Variants in CNTLN observed in about 807,000 individuals in gnomAD.
CNTLN encodes centlein, centrosomal protein.
A neutral mutation model predicts 180.0 loss-of-function variants in CNTLN; 212 were observed. That is an observed-to-expected ratio of 1.18 (90% CI 1.05 to 1.32). The LOEUF is 1.32. Among genes scored for constraint, CNTLN ranks in the 40% most tolerant of loss-of-function variants. CNTLN has a pLI of 0.00. For missense variants in CNTLN, 2,095 were observed against 1,610.9 expected, an observed-to-expected ratio of 1.30 and a Z score of -5.14; for synonymous variants, 722 against 563.1, an observed-to-expected ratio of 1.28 and a Z score of -3.99.
the CNTLN span, among the ~76,000 whole-genome samples, chr9:17,519,748 C>T: frequency 6.6e-6 from 1 of 152,172 alleles, no homozygotes; most frequent in Non-Finnish European, 1.5e-5. Flanking sequence ...TTAGCACATC[C>T]ACTCCTTAAG....
At position 17,356,550 on chromosome 9, in the gene CNTLN, C is replaced by T. The variant is rs572995573; in HGVS notation, c.1887-10067C>T. 1.6e-4 allele frequency among the ~76,000 whole-genome samples: 25 copies of T among 152,122 alleles called. 1 individual carries two copies. In the South Asian group the frequency reaches 5.0e-3, roughly 31 times the overall value. On this transcript the variant is annotated intron_variant, in intron 12 of 25. Coordinates refer to ENST00000380647, the MANE Select transcript of CNTLN (RefSeq NM_017738.4). ...GTACTAGGGCTTGGGACCAGGTAAA[C>T]CGTTATAGCTAAGAAAATAATATAT... is the stretch of plus-strand genomic sequence containing the variant.
At chr9:17,213,116 C>T (rs1823457035) in intron 2 of CNTLN, among the ~76,000 whole-genome samples, 1 of 152,134 alleles carries the variant, frequency 6.6e-6, no homozygotes, top group Non-Finnish European at 1.5e-5. Context: ...TGTGTTTGCT[C>T]TTGCTTCTCT....
At chr9:17,314,217 C>G (rs942794616) in intron 8 of CNTLN, among the ~76,000 whole-genome samples, 1 of 151,840 alleles carries the variant, frequency 6.6e-6, no homozygotes, top group Non-Finnish European at 1.5e-5. Context: ...CTTTAAAATC[C>G]GTATTTTCCT....
At chr9:17,139,364 A>T (rs1262044912) in intron 1 of CNTLN, among the ~76,000 whole-genome samples, 1 of 151,524 alleles carries the variant, frequency 6.6e-6, no homozygotes, top group Non-Finnish European at 1.5e-5. Flanking sequence ...GGGATTACAG[A>T]TGTGAGCCAC....
chr9:17,410,524 T>A (rs1331544246), intron 16 of CNTLN, among the ~76,000 whole-genome samples: 1 of 152,194 alleles, frequency 6.6e-6, no homozygotes, highest in Non-Finnish European at 1.5e-5. Context: ...TTCTGAAGAA[T>A]ATAACATCTC....
chr9:17,455,202 C>T (rs1288495121), intron 18 of CNTLN, among the ~76,000 whole-genome samples: 1 of 152,180 alleles, frequency 6.6e-6, no homozygotes, highest in Non-Finnish European at 1.5e-5. Context: ...GGTTTCCAAA[C>T]TGATGGAATG....
chr9:17,454,167 C>T (rs759795320), intron 18 of CNTLN, among the ~76,000 whole-genome samples: 21 of 152,080 alleles, frequency 1.4e-4, no homozygotes, highest in Admixed American at 5.9e-4. Context: ...TTCTTACAGT[C>T]GCTTAGAGAG....
chr9:17,178,339 G>A (rs1354012831), intron 2 of CNTLN, among the ~76,000 whole-genome samples: 2 of 152,204 alleles, frequency 1.3e-5, no homozygotes, highest in Non-Finnish European at 2.9e-5. Flanking sequence ...CAGGAGCCCA[G>A]CTGGCTTCAC....
rs184247052 is a variant in CNTLN at position 17,208,700 on chromosome 9, G to T, written c.450-17503G>T. Among the ~76,000 whole-genome samples, 499 of 152,234 alleles carry T rather than the reference G, an allele frequency of 3.3e-3. 4 individuals are homozygous for T. The highest frequency in any genetic ancestry group is 0.011 in the African/African-American group (475 of 41,540). On this transcript the variant is annotated intron_variant, in intron 2 of 25. Transcript: ENST00000380647. ...CTTCATGATTCAATTTTGGTAGGTT[G>T]TATGTGTCAAGGAATTTATTTGTTC...
At chr9:17,382,640 G>C (rs994018157) in intron 13 of CNTLN, among the ~76,000 whole-genome samples, 2 of 152,058 alleles carry the variant, frequency 1.3e-5, no homozygotes, top group Non-Finnish European at 2.9e-5. Context: ...AACAAAAATT[G>C]TTCTAAAACC....
chr9:17,183,502 G>A (rs1283850834), intron 2 of CNTLN, among the ~76,000 whole-genome samples: 1 of 151,266 alleles, frequency 6.6e-6, no homozygotes, highest in Non-Finnish European at 1.5e-5. Context: ...TTGTAAAAAA[G>A]GAGAAGAATA....
At chr9:17,305,279 A>C (rs773268179) in intron 7 of CNTLN, among the ~76,000 whole-genome samples, 1 of 152,174 alleles carries the variant, frequency 6.6e-6, no homozygotes, top group Non-Finnish European at 1.5e-5. Context: ...ATAATGATTG[A>C]TACTTCTAAA....
intron 2 of CNTLN, among the ~76,000 whole-genome samples, chr9:17,163,340 G>T (rs911042752): frequency 6.6e-6 from 1 of 152,120 alleles, no homozygotes; most frequent in South Asian, 2.1e-4. Context: ...TTATTGTTAT[G>T]ATAATTATGC....
chr9:17,383,856 T>G (rs1825461793), intron 13 of CNTLN, among the ~76,000 whole-genome samples: 1 of 152,048 alleles, frequency 6.6e-6, no homozygotes, highest in African/African-American at 2.4e-5. Flanking sequence ...GCCAGGATGG[T>G]CTCGATCTCC....
chr9:17,327,489 CTTTTTTTT>C (rs35237954), intron 8 of CNTLN, among the ~76,000 whole-genome samples: 2 of 133,610 alleles, frequency 1.5e-5, no homozygotes, highest in Non-Finnish European at 3.2e-5. Context: ...CAGCTGTTTC[CTTTTTTTT>C]TTTTTTTTCA....
At chr9:17,181,197 G>T (rs1458892274) in intron 2 of CNTLN, among the ~76,000 whole-genome samples, 3 of 152,112 alleles carry the variant, frequency 2.0e-5, no homozygotes, top group Non-Finnish European at 4.4e-5. Context: ...ATCTTTGACA[G>T]GCCTCTGAGG....
At chr9:17,396,284 G>C (rs1826515333) in intron 15 of CNTLN, among the ~76,000 whole-genome samples, 1 of 152,142 alleles carries the variant, frequency 6.6e-6, no homozygotes, top group African/African-American at 2.4e-5. Flanking sequence ...TTTGCACTGT[G>C]GACTCGCCCT....
chr9:17,440,886 G>T (rs1830069017), intron 18 of CNTLN, among the ~76,000 whole-genome samples: 1 of 152,122 alleles, frequency 6.6e-6, no homozygotes, highest in Non-Finnish European at 1.5e-5. Flanking sequence ...GTCCAGAAAA[G>T]GCAAAATCCA....
rs1828175445 is a variant in CNTLN at position 17,415,781 on chromosome 9, A to T, written c.2797-7A>T. The T allele has an allele frequency of 2.0e-6, 3 of 1,534,980 alleles. No individual in the cohort carries two copies. The highest frequency in any genetic ancestry group is 2.7e-6 in the Non-Finnish European group (3 of 1,111,656). Reference sequence around the variant, plus strand: ...TAATACCATTTTTATGAAATCTTCAAATTTAGGACTATTTTCATGATAAGA... The same window carrying T: ...TAATACCATTTTTATGAAATCTTCATATTTAGGACTATTTTCATGATAAGA... On this transcript the variant is annotated splice_polypyrimidine_tract_variant and splice_region_variant and intron_variant, in intron 16 of 25. Transcript: ENST00000380647.
Sources: gnomAD v4.1 joint callset for allele counts (sites outside exome capture counted in the v4.1 genomes callset) on GRCh38, gnomAD v4.1.1 for gene constraint, MANE v1.5 for transcripts, NCBI Gene and HGNC (gene_info 2026-07-23, HGNC 2026-07-21) for gene names.